Variants in OTC observed in about 807,000 individuals in gnomAD.
OTC encodes ornithine transcarbamylase, also known as ornithine transcarbamylase, mitochondrial.
In OTC, 3 loss-of-function variants were observed where a neutral mutation model predicts 30.3. That is an observed-to-expected ratio of 0.10 (90% confidence interval 0.05 to 0.26). The LOEUF is 0.26. OTC is among the 10% of genes least tolerant of loss of function. OTC has a pLI of 1.00. For synonymous variants in OTC, 111 were observed against 99.7 expected (o/e 1.11, Z -0.67); for missense variants, 194 against 260.3 (o/e 0.75, Z 1.75).
chrX:38,342,118 C>G, the OTC span, among the ~76,000 whole-genome samples: 1 of 103,764 alleles, frequency 9.6e-6, no homozygotes, highest in Non-Finnish European at 2.0e-5. Context: ...CTCCCGGGTT[C>G]AAGCAATTCT....
the OTC span, among the ~76,000 whole-genome samples, chrX:38,337,913 A>G: frequency 9.1e-6 from 1 of 109,543 alleles, no homozygotes; most frequent in African/African-American, 3.3e-5. Context: ...CTTGCAAGTA[A>G]CTCCCTCAGG....
chrX:38,418,578 C>T (rs1283510450), intron 9 of OTC, among the ~76,000 whole-genome samples: 1 of 112,068 alleles, frequency 8.9e-6, no homozygotes, highest in Non-Finnish European at 1.9e-5. Flanking sequence ...TATGGTTTGG[C>T]TGTGTCCCCA....
chrX:38,352,186 A>G (rs867443205), upstream of OTC, among the ~76,000 whole-genome samples: 3 of 104,661 alleles, frequency 2.9e-5, no homozygotes, highest in African/African-American at 1.0e-4. Flanking sequence ...ACTTCTTTCT[A>G]TTTGTTTTTG....
upstream of OTC, among the ~76,000 whole-genome samples, chrX:38,352,121 A>G (rs2068220744): frequency 8.9e-6 from 1 of 112,557 alleles, no homozygotes; most frequent in African/African-American, 3.2e-5. Flanking sequence ...CAGGACTGAG[A>G]TATTTTTACT....
chrX:38,348,438 A>G (rs2068199315), upstream of OTC, among the ~76,000 whole-genome samples: 1 of 111,144 alleles, frequency 9.0e-6, no homozygotes, highest in Non-Finnish European at 1.9e-5. Flanking sequence ...TCTGGCTTCA[A>G]TATTTCTTTC....
At chrX:38,341,766 T>G in the OTC span, among the ~76,000 whole-genome samples, 1 of 111,024 alleles carries the variant, frequency 9.0e-6, no homozygotes, top group Non-Finnish European at 1.9e-5. Flanking sequence ...AATAAAAGAT[T>G]AGAAACTTGT....
chrX:38,407,315 G>T (rs1336047113), intron 6 of OTC, among the ~76,000 whole-genome samples: 1 of 112,369 alleles, frequency 8.9e-6, no homozygotes, highest in African/African-American at 3.2e-5. Context: ...GTGCCCAAAG[G>T]GGGCTGACAG....
intron 9 of OTC, among the ~76,000 whole-genome samples, chrX:38,413,921 A>G (rs1266306221): frequency 1.8e-5 from 2 of 108,643 alleles, no homozygotes; most frequent in Non-Finnish European, 3.8e-5. Context: ...TGATCCACCC[A>G]CCTCAGCCTC....
chrX:38,330,012 G>A, the OTC span, among the ~76,000 whole-genome samples: 1 of 112,277 alleles, frequency 8.9e-6, no homozygotes, highest in Admixed American at 9.4e-5. Flanking sequence ...AAGGGACTTT[G>A]CAGTTGTGAG....
upstream of OTC, chrX:38,352,569 A>AGGGT (rs2068223340): frequency 1.1e-5 from 6 of 531,531 alleles, no homozygotes; most frequent in South Asian, 1.3e-4. Flanking sequence ...AGGAAGCTGA[A>AGGGT]GGGTGATATT....
chrX:38,414,532 G>C (rs1238221615), intron 9 of OTC, among the ~76,000 whole-genome samples: 2 of 111,986 alleles, frequency 1.8e-5, no homozygotes, highest in Non-Finnish European at 3.8e-5. Context: ...TCACCTGGGA[G>C]TGATGAGACT....
chrX:38,404,765 C>T (rs1315196110), intron 6 of OTC, among the ~76,000 whole-genome samples: 1 of 110,688 alleles, frequency 9.0e-6, no homozygotes, highest in African/African-American at 3.3e-5. Flanking sequence ...AGCAAGGATG[C>T]CATTTACAGT....
At chrX:38,414,570 G>A (rs1176787874) in intron 9 of OTC, among the ~76,000 whole-genome samples, 1 of 112,118 alleles carries the variant, frequency 8.9e-6, no homozygotes, top group African/African-American at 3.2e-5. Flanking sequence ...CTTAATACTA[G>A]TCAGCTGTGC....
intron 4 of OTC, among the ~76,000 whole-genome samples, chrX:38,399,929 C>G (rs2068476480): frequency 9.0e-6 from 1 of 111,249 alleles, no homozygotes; most frequent in Non-Finnish European, 1.9e-5. Flanking sequence ...GTTTACAAAT[C>G]TCTATCCCCA....
chrX:38,380,414 A>G (rs951516101), intron 3 of OTC, among the ~76,000 whole-genome samples: 1 of 112,168 alleles, frequency 8.9e-6, no homozygotes, highest in Non-Finnish European at 1.9e-5. Flanking sequence ...ACAAATCTCT[A>G]TCTTGCAATT....
At chrX:38,377,324 G>C (rs1314136946) in intron 3 of OTC, among the ~76,000 whole-genome samples, 1 of 111,367 alleles carries the variant, frequency 9.0e-6, no homozygotes, top group Non-Finnish European at 1.9e-5. Flanking sequence ...GCAGTACTAA[G>C]AGGGACATGT....
chrX:38,349,364 A>C (rs1299017949), upstream of OTC, among the ~76,000 whole-genome samples: 6 of 112,577 alleles, frequency 5.3e-5, no homozygotes, highest in Non-Finnish European at 5.6e-5. Context: ...GCTTATGTTG[A>C]AATTTAAGTG....
chrX:38,347,470 T>C, the OTC span, among the ~76,000 whole-genome samples: 2 of 112,059 alleles, frequency 1.8e-5, no homozygotes, highest in Non-Finnish European at 3.8e-5. Flanking sequence ...CCAGCAACAG[T>C]CCCACAGAAC....
At chrX:38,372,635 A>G (rs2068328666) in intron 3 of OTC, among the ~76,000 whole-genome samples, 1 of 112,621 alleles carries the variant, frequency 8.9e-6, no homozygotes, top group Admixed American at 9.4e-5. Flanking sequence ...TTCATGGAGC[A>G]TTTGTCATTA....
Sources: gnomAD v4.1 joint callset for allele counts (sites outside exome capture counted in the v4.1 genomes callset) on GRCh38, gnomAD v4.1.1 for gene constraint, MANE v1.5 for transcripts, NCBI Gene and HGNC (gene_info 2026-07-23, HGNC 2026-07-21) for gene names.